Variants in LGR6 observed in about 807,000 individuals in gnomAD.
LGR6 encodes the protein leucine rich repeat containing G protein-coupled receptor 6.
A neutral mutation model predicts 69.4 loss-of-function variants in LGR6; 45 were observed. The observed-to-expected ratio is 0.65, with a 90% CI of 0.51 to 0.83. LGR6 has a LOEUF of 0.83. Among genes scored for constraint, LGR6 ranks in the 40% least tolerant of loss-of-function variants. The probability of loss-of-function intolerance (pLI) is 0.00; values close to 1 mark genes in which losing one functional copy is unlikely to be tolerated. For synonymous variants in LGR6, 538 were observed against 555.0 expected (o/e 0.97, Z 0.43); for missense variants, 1,108 against 1,246.7 (o/e 0.89, Z 1.68).
At chr1:202,204,887 AAC>A (rs139017332) in intron 1 of LGR6, among the ~76,000 whole-genome samples, 494 of 2,026 alleles carry the variant, frequency 0.24, 56 homozygotes, top group Middle Eastern at 0.38. Flanking sequence ...ACCTCCTTCA[AAC>A]ACACACACAC....
chr1:202,239,104 C>T (rs919602828), intron 4 of LGR6, among the ~76,000 whole-genome samples: 3 of 152,156 alleles, frequency 2.0e-5, no homozygotes, highest in Non-Finnish European at 4.4e-5. Flanking sequence ...TGGCCTCTTT[C>T]TCCATCTTCA....
In LGR6 at chr1:202,194,176, G is replaced by A. The variant is rs556309493; in HGVS notation, c.187G>A (p.Asp63Asn). ...SELGLSAVPG[D>N]LDPLTAYLDL... ...GCTCGGGCTGTCCGCCGTTCCGGGGGACCTGGACCCCCTGACGGCTTACCT... is the reference window on the plus strand; with the variant it reads ...GCTCGGGCTGTCCGCCGTTCCGGGGAACCTGGACCCCCTGACGGCTTACCT... Residue 63 changes from aspartate (D) to asparagine (N), a missense_variant, in exon 1 of 18, where the codon GAC (aspartate) becomes AAC (asparagine). Physicochemically the swap from Asp to Asn is conservative, Grantham distance 23. Transcript: ENST00000367278. 1.3e-6 allele frequency: 2 copies of A among 1,565,892 alleles called. No homozygotes were observed. Among genetic ancestry groups the A allele is most frequent in the Non-Finnish European group, 1.7e-6 (2 of 1,164,712 alleles).
chr1:202,204,361 C>A (rs61821571), intron 1 of LGR6, among the ~76,000 whole-genome samples: 65,362 of 103,986 alleles, frequency 0.63, 20,758 homozygotes, highest in South Asian at 0.86. Context: ...CACACCTCCA[C>A]ACACACACAC....
At chr1:202,295,327 C>CA (rs58243962) in intron 6 of LGR6, among the ~76,000 whole-genome samples, 4,152 of 44,134 alleles carry the variant, frequency 0.094, 274 homozygotes, top group East Asian at 0.27. Context: ...GACTCCATCT[C>CA]AAAAAAAAAA....
At chr1:202,210,427 A>AG (rs1015963025) in intron 1 of LGR6, among the ~76,000 whole-genome samples, 4 of 115,596 alleles carry the variant, frequency 3.5e-5, no homozygotes, top group Admixed American at 8.7e-5. Context: ...GGTACAGAGC[A>AG]GAAAAAAAAA....
At chr1:202,256,934 GGTTC>G in intron 4 of LGR6, among the ~76,000 whole-genome samples, 1 of 152,132 alleles carries the variant, frequency 6.6e-6, no homozygotes, top group South Asian at 2.1e-4. Context: ...ATCTCGTTGT[GGTTC>G]TGATTTGCAT....
intron 4 of LGR6, among the ~76,000 whole-genome samples, chr1:202,253,667 C>T (rs1449535219): frequency 2.2e-5 from 2 of 92,524 alleles, no homozygotes; most frequent in African/African-American, 8.6e-5. Context: ...CTCACTCTGT[C>T]GCCCAGGCTG....
chr1:202,230,506 C>G lies in LGR6; in HGVS notation c.356+2499C>G, dbSNP rs1333383701. 4.6e-5 allele frequency among the ~76,000 whole-genome samples: 7 copies of G among 152,234 alleles called. No homozygotes were observed. The East Asian group carries it at 1.3e-3, about 29-fold the overall frequency. On this transcript the variant is annotated intron_variant, in intron 3 of 17. Transcript: ENST00000367278. ...AGCACTGGAGCTGTGCTAAGGGAAG[C>G]CATGGCTCCCTCTGCCCTAGGCATG...
At chr1:202,197,475 C>T (rs547287946) in intron 1 of LGR6, 13 of 532,972 alleles carry the variant, frequency 2.4e-5, no homozygotes, top group Middle Eastern at 3.2e-4. Flanking sequence ...TGACACTCAC[C>T]GGGGTTTTGA....
At position 202,236,007 on chromosome 1, in the gene LGR6, G is replaced by A. The variant is rs773357584; in HGVS notation, c.428+14G>A. On this transcript the variant is annotated intron_variant, in intron 4 of 17. Coordinates refer to ENST00000367278, the MANE Select transcript of LGR6 (RefSeq NM_001017403.2). ...CCTGCAGTCGCTGTGAGTCATTAGA[G>A]GGCTGGTCTGGGAGTCACCAGCTTC... 23 of 1,611,180 alleles carry A rather than the reference G, an allele frequency of 1.4e-5. No homozygotes were observed. The highest frequency in any genetic ancestry group is 1.8e-5 in the Non-Finnish European group (21 of 1,177,992).
chr1:202,225,341 T>TCGAGGGACCTC, intron 1 of LGR6, 82 bp from the exon 2 acceptor site: 1 of 1,311,442 alleles, frequency 7.6e-7, no homozygotes, highest in Non-Finnish European at 1.1e-6. Flanking sequence ...CGGAGGTCCC[T>TCGAGGGACCTC]CGAGGGGGGT....
rs201220924 is a variant in LGR6 at position 202,318,718 on chromosome 1, C to T, written c.2415C>T (p.Pro805=). Residue 805 remains proline, a synonymous_variant, in exon 18 of 18, where the codon CCC becomes CCT. Coordinates refer to ENST00000367278, the MANE Select transcript of LGR6 (RefSeq NM_001017403.2). ...TGCTGGGCCTCTTCCCTGTCACGCCCGAGGCCGTCAAGTCTGTCCTGCTGG... is the reference window on the plus strand; with the variant it reads ...TGCTGGGCCTCTTCCCTGTCACGCCTGAGGCCGTCAAGTCTGTCCTGCTGG... ...ASMLGLFPVT[P]EAVKSVLLVV... The T allele has an allele frequency of 2.5e-6, 4 of 1,613,464 alleles. No homozygotes were observed. The highest frequency in any genetic ancestry group is 2.2e-5 in the East Asian group (1 of 44,870).
At chr1:202,259,682 T>G (rs1228105265) in intron 4 of LGR6, among the ~76,000 whole-genome samples, 2 of 152,110 alleles carry the variant, frequency 1.3e-5, no homozygotes, top group African/African-American at 4.8e-5. Flanking sequence ...CTCCTCCTCC[T>G]TCCTCCCATC....
intron 2 of LGR6, among the ~76,000 whole-genome samples, chr1:202,226,075 A>G (rs1660526209): frequency 6.6e-6 from 1 of 152,018 alleles, no homozygotes; most frequent in Non-Finnish European, 1.5e-5. Flanking sequence ...TTCCTCCACA[A>G]AGTACTCCCT....
intron 17 of LGR6, among the ~76,000 whole-genome samples, chr1:202,317,389 G>C (rs1189322268): frequency 2.0e-5 from 3 of 151,352 alleles, no homozygotes; most frequent in Non-Finnish European, 2.9e-5. Context: ...CTGTTGCCCA[G>C]GCTGGAGTGC....
At chr1:202,203,803 A>G (rs1220929595) in intron 1 of LGR6, 2 of 1,613,814 alleles carry the variant, frequency 1.2e-6, no homozygotes, top group Admixed American at 3.3e-5. Flanking sequence ...TGCAAAGGAA[A>G]ACCCACAGGC....
intron 3 of LGR6, among the ~76,000 whole-genome samples, chr1:202,232,097 G>A (rs1205578849): frequency 3.2e-4 from 17 of 52,834 alleles, no homozygotes; most frequent in East Asian, 2.4e-3. Context: ...GCAAAACGCC[G>A]TCTCAAAAAA....
intron 4 of LGR6, among the ~76,000 whole-genome samples, chr1:202,263,789 A>G (rs1189429089): frequency 2.0e-5 from 3 of 152,236 alleles, no homozygotes; most frequent in Non-Finnish European, 4.4e-5. Context: ...AAAGATGAAT[A>G]AACTATGTAC....
chr1:202,260,082 T>C (rs945701024), intron 4 of LGR6, among the ~76,000 whole-genome samples: 2 of 152,232 alleles, frequency 1.3e-5, no homozygotes, highest in African/African-American at 4.8e-5. Flanking sequence ...GGAGTCTCAC[T>C]CTGTCGTCCC....
Sources: allele counts gnomAD v4.1 joint callset (sites outside exome capture counted in the v4.1 genomes callset), GRCh38; gene constraint gnomAD v4.1.1; transcripts MANE v1.5; gene names NCBI Gene and HGNC (gene_info 2026-07-23, HGNC 2026-07-21).